Variants in SLC35F4 observed in about 807,000 individuals in gnomAD.
SLC35F4 encodes the protein chromosome 14 open reading frame 36.
SLC35F4 carries 24 observed loss-of-function variants against 44.2 expected under a neutral mutation model. The observed-to-expected ratio is 0.54, with a 90% confidence interval of 0.39 to 0.76. SLC35F4 has a LOEUF of 0.76. SLC35F4 is among the 30% of genes least tolerant of loss of function. SLC35F4 has a pLI of 0.00. For missense variants in SLC35F4, 562 were observed against 586.1 expected (o/e 0.96, Z 0.42); for synonymous variants, 238 against 223.6 (o/e 1.06, Z -0.57).
At chr14:57,811,740 C>T (rs1417003822) in intron 1 of SLC35F4, among the ~76,000 whole-genome samples, 4 of 152,186 alleles carry the variant, frequency 2.6e-5, no homozygotes, top group African/African-American at 9.7e-5. Context: ...AGTGAGTTAA[C>T]TCTGCAGTAA....
chr14:57,691,767 A>G (rs1439403453), intron 1 of SLC35F4, among the ~76,000 whole-genome samples: 1 of 152,210 alleles, frequency 6.6e-6, no homozygotes, highest in African/African-American at 2.4e-5. Flanking sequence ...CTTCTCTTAA[A>G]AAGCTACACT....
chr14:57,779,886 C>T lies in SLC35F4; in HGVS notation c.103+85837G>A, dbSNP rs146499739. Among the ~76,000 whole-genome samples the T allele has an allele frequency of 2.5e-3, 378 of 152,248 alleles. 1 individual carries two copies. Among genetic ancestry groups the T allele is most frequent in the African/African-American group, 8.2e-3 (341 of 41,554 alleles). On this transcript the variant is annotated intron_variant, in intron 1 of 7. Coordinates refer to ENST00000556826, the MANE Select transcript of SLC35F4 (RefSeq NM_001306087.2). The stretch of plus-strand genomic sequence containing the variant: ...AAGCTTTCAATAAAACTCAACACCC[C>T]TTCGTATTAAAAACTCTCGACAAAC...
At chr14:57,697,699 TA>T (rs59047946) in intron 1 of SLC35F4, among the ~76,000 whole-genome samples, 142,306 of 143,896 alleles carry the variant, frequency 0.99, 70,380 homozygotes, top group African/African-American at 1. Flanking sequence ...AGACCCTGTT[TA>T]AAAAAAAAAA....
In SLC35F4 at chr14:57,564,181, C is replaced by T. The variant is rs760636432; in HGVS notation, c.1412G>A (p.Arg471Gln). 2.2e-5 allele frequency: 35 copies of T among 1,613,560 alleles called. No homozygotes were observed. The highest frequency in any genetic ancestry group is 1.5e-4 in the South Asian group (14 of 91,042). The change falls in exon 8 of 8, where the codon CGG becomes CAG. Residue 471 changes from arginine (R) to glutamine (Q), a missense_variant. Transcript: ENST00000556826. The stretch of plus-strand genomic sequence containing the variant: ...TGTCCCATTGGCTCTGCCTCTGCCC[C>T]GCAGGTGTATGCTGGGATCAGTCAC... ...DDVTDPSIHLRGRGRANGTVS... is the reference protein window; with the variant it reads ...DDVTDPSIHLQGRGRANGTVS...
intron 1 of SLC35F4, among the ~76,000 whole-genome samples, chr14:57,707,350 G>C (rs1370869869): frequency 1.3e-5 from 2 of 152,070 alleles, no homozygotes; most frequent in East Asian, 3.9e-4. Context: ...TGGATCACGG[G>C]GGCAGTTTCA....
In SLC35F4 at chr14:57,688,385, G is replaced by T. The variant is rs187036074; in HGVS notation, c.104-94261C>A. Among the ~76,000 whole-genome samples the T allele has an allele frequency of 6.6e-5, 10 of 152,296 alleles. No individual in the cohort carries two copies. In the East Asian group the frequency reaches 1.9e-3, roughly 29 times the overall value. ...AGACCTTGGAAAAACAACTCAAATTGTTGCATGGCAGAATGGATGTTATCT... is the reference window on the plus strand; with the variant it reads ...AGACCTTGGAAAAACAACTCAAATTTTTGCATGGCAGAATGGATGTTATCT... On this transcript the variant is annotated intron_variant, in intron 1 of 7. Transcript: ENST00000556826.
At chr14:57,884,861 G>C (rs912034017) in intron 1 of SLC35F4, among the ~76,000 whole-genome samples, 1 of 152,078 alleles carries the variant, frequency 6.6e-6, no homozygotes, top group Non-Finnish European at 1.5e-5. Context: ...GACTGATCAA[G>C]TTACAACAAA....
At chr14:57,625,083 A>G (rs1233223278) in intron 1 of SLC35F4, among the ~76,000 whole-genome samples, 1 of 152,232 alleles carries the variant, frequency 6.6e-6, no homozygotes, top group Admixed American at 6.5e-5. Flanking sequence ...AATCTCCTTA[A>G]GCTGATAAGC....
chr14:57,703,652 T>C (rs777690529), intron 1 of SLC35F4, among the ~76,000 whole-genome samples: 1 of 152,206 alleles, frequency 6.6e-6, no homozygotes, highest in Non-Finnish European at 1.5e-5. Flanking sequence ...CTATTTCCCC[T>C]GGATGCTAAA....
intron 1 of SLC35F4, among the ~76,000 whole-genome samples, chr14:57,715,154 C>A (rs2075908815): frequency 6.6e-6 from 1 of 151,940 alleles, no homozygotes; most frequent in Non-Finnish European, 1.5e-5. Flanking sequence ...ACCCAGTCTG[C>A]AGGGTTATAG....
intron 2 of SLC35F4, among the ~76,000 whole-genome samples, chr14:57,591,987 C>A (rs1356587581): frequency 6.6e-6 from 1 of 152,190 alleles, no homozygotes; most frequent in African/African-American, 2.4e-5. Flanking sequence ...TGACTCTAGG[C>A]TTCTTCTGTT....
chr14:57,667,052 A>T (rs1430050293), intron 1 of SLC35F4, among the ~76,000 whole-genome samples: 1 of 151,522 alleles, frequency 6.6e-6, no homozygotes, highest in Non-Finnish European at 1.5e-5. Flanking sequence ...CTTTTGAGTT[A>T]GGCCTTCCGG....
intron 1 of SLC35F4, among the ~76,000 whole-genome samples, chr14:57,629,054 A>G (rs993465793): frequency 6.6e-6 from 1 of 152,150 alleles, no homozygotes; most frequent in Non-Finnish European, 1.5e-5. Context: ...TTTTGTTCAG[A>G]GACATGGTCG....
intron 1 of SLC35F4, among the ~76,000 whole-genome samples, chr14:57,701,662 T>A (rs2075545197): frequency 6.6e-6 from 1 of 152,190 alleles, no homozygotes; most frequent in Admixed American, 6.5e-5. Flanking sequence ...ATGTGGTCAG[T>A]CATTGACCTA....
intron 1 of SLC35F4, among the ~76,000 whole-genome samples, chr14:57,938,216 T>C (rs756974263): frequency 4.0e-5 from 6 of 151,490 alleles, no homozygotes; most frequent in Non-Finnish European, 8.8e-5. Context: ...GCCAAACAGC[T>C]CAACACCAAG....
chr14:57,578,989 C>G (rs1048722638), intron 4 of SLC35F4: 1 of 152,198 alleles, frequency 6.6e-6, no homozygotes, highest in African/African-American at 2.4e-5. Context: ...ACAGTCCTTG[C>G]CTCTTCCAGG....
chr14:57,897,245 T>G (rs1197455028), intron 1 of SLC35F4, among the ~76,000 whole-genome samples: 1 of 152,044 alleles, frequency 6.6e-6, no homozygotes, highest in Non-Finnish European at 1.5e-5. Context: ...GTCAAGAGAC[T>G]CCCTGATAGG....
intron 1 of SLC35F4, among the ~76,000 whole-genome samples, chr14:57,609,264 G>T (rs887248293): frequency 6.6e-6 from 1 of 152,088 alleles, no homozygotes; most frequent in Non-Finnish European, 1.5e-5. Flanking sequence ...CAGTGCAAAA[G>T]ATTTATAAAA....
intron 1 of SLC35F4, among the ~76,000 whole-genome samples, chr14:57,790,934 C>T (rs145860799): frequency 3.8e-4 from 58 of 152,134 alleles, no homozygotes; most frequent in Middle Eastern, 6.8e-3. Flanking sequence ...TAGCCGTATG[C>T]GGAAAACTGA....
Sources: allele counts gnomAD v4.1 joint callset (sites outside exome capture counted in the v4.1 genomes callset), GRCh38; gene constraint gnomAD v4.1.1; transcripts MANE v1.5; gene names NCBI Gene and HGNC (gene_info 2026-07-23, HGNC 2026-07-21).